Variants in NOLC1 observed in about 807,000 individuals in gnomAD.
NOLC1 encodes the protein 140 kDa nucleolar phosphoprotein.
A neutral mutation model predicts 73.4 loss-of-function variants in NOLC1; 37 were observed. The observed-to-expected ratio is 0.50, with a 90% CI of 0.39 to 0.66. NOLC1 has a LOEUF of 0.66. Ranked by LOEUF, NOLC1 falls within the 30% of genes least tolerant of loss-of-function variation. The probability of loss-of-function intolerance (pLI) is 0.00; values close to 1 mark genes in which losing one functional copy is unlikely to be tolerated. For missense variants in NOLC1, 921 were observed against 838.9 expected (o/e 1.10, Z -1.21); for synonymous variants, 327 against 302.6 (o/e 1.08, Z -0.84).
At position 102,152,454 on chromosome 10, in the gene NOLC1, ATCCCC is replaced by A; in HGVS notation, c.47_51del (p.Pro16ArgfsTer8). On this transcript the variant is annotated frameshift_variant, in exon 1 of 13. Coordinates refer to ENST00000605788, the MANE Select transcript of NOLC1 (RefSeq NM_004741.5). LOFTEE classifies it high-confidence loss of function. ...CGCCGCGTGGTTCCCAGCGACCTGT[ATCCCC>A]TCGTGCTCGGCTTCCTGCGCGATAA... 1 of 1,613,316 alleles carries A rather than the reference ATCCCC, an allele frequency of 6.2e-7. No homozygotes were observed. The highest frequency in any genetic ancestry group is 8.5e-7 in the Non-Finnish European group (1 of 1,180,024).
In NOLC1 at chr10:102,159,498, G is replaced by A; in HGVS notation, c.789G>A (p.Lys263=). The change falls in exon 7 of 13, where the codon AAG becomes AAA. Residue 263 remains lysine, a synonymous_variant. Transcript: ENST00000605788. The stretch of plus-strand genomic sequence containing the variant: ...AAGCAGCTACCACCCCTACCCGGAA[G>A]AGTTCTAGCAGTGAGGATTCCTCCA... ...PVKAATTPTR[K]SSSSEDSSSD... is the part of the protein sequence containing the mutation. 1 of 1,614,216 alleles carries A rather than the reference G, an allele frequency of 6.2e-7. No individual in the cohort carries two copies. The highest frequency in any genetic ancestry group is 2.2e-5 in the East Asian group (1 of 44,882).
Position 102,160,799 on chromosome 10 carries a change from G to A in NOLC1, c.1447G>A (p.Glu483Lys). 6.2e-7 allele frequency: 1 copy of A among 1,614,252 alleles called. No homozygotes were observed. Among genetic ancestry groups the A allele is most frequent in the Admixed American group, 1.7e-5 (1 of 60,026 alleles). ...SDSSSSEEEE[E>K]KTSKSAVKKK... ...CAGCTCCAGCAGTGAGGAGGAGGAA[G>A]AGAAGACATCTAAGTCTGCAGTTAA... is the stretch of plus-strand genomic sequence containing the variant. The change falls in exon 10 of 13, where the codon GAG becomes AAG. Residue 483 changes from glutamate (E) to lysine (K), a missense_variant. Physicochemically the swap from Glu to Lys is moderately conservative, Grantham distance 56 (BLOSUM62 1). Coordinates refer to ENST00000605788, the MANE Select transcript of NOLC1 (RefSeq NM_004741.5).
rs1374134095 is a variant in NOLC1, at chr10:102,159,244, G to C, written c.659G>C (p.Ser220Thr). 3 of 1,606,934 alleles carry C rather than the reference G, an allele frequency of 1.9e-6. No homozygotes were observed. Among genetic ancestry groups the C allele is most frequent in the Non-Finnish European group, 2.6e-6 (3 of 1,174,796 alleles). Residue 220 changes from serine to threonine, a missense_variant, in exon 6 of 13, where the codon AGC (serine) becomes ACC (threonine). Transcript: ENST00000605788. ...ANGKAASSSS[S>T]SSSSSSSDDS... ...GGTAAAGCAGCCAGTAGCAGCAGTA[G>C]CAGCAGCAGCAGCAGTAGCAGTGAT...
At position 102,162,276 on chromosome 10, in the gene NOLC1, G is replaced by A. The variant is rs1224785343; in HGVS notation, c.*7G>A. ...TAAGTTTGACAGCGAGTGACCTGAGGCCATCTTCGGTGAAGCAAGGGTGAT... is the reference window on the plus strand; with the variant it reads ...TAAGTTTGACAGCGAGTGACCTGAGACCATCTTCGGTGAAGCAAGGGTGAT... On this transcript the variant is annotated 3_prime_UTR_variant, in exon 13 of 13. Coordinates refer to ENST00000605788, the MANE Select transcript of NOLC1 (RefSeq NM_004741.5). The A allele has an allele frequency of 3.7e-6, 6 of 1,612,854 alleles. No individual in the cohort carries two copies. Among genetic ancestry groups the A allele is most frequent in the African/African-American group, 1.3e-5 (1 of 74,866 alleles).
chr10:102,162,896 T>C lies in NOLC1; in HGVS notation c.*627T>C, dbSNP rs1222763987. 6.6e-6 allele frequency: 1 copy of C among 152,226 alleles called. No homozygotes were observed. The highest frequency in any genetic ancestry group is 2.4e-5 in the African/African-American group (1 of 41,458). The allele number at this position is 152,226 out of a possible 1,614,324, so 9.4% of individuals were successfully genotyped here. ...CCTAACCTACTTTTTGGGATAAAAT[T>C]CTCTGTTTTGTTACAGGCAAAATTC... is the stretch of plus-strand genomic sequence containing the variant. On this transcript the variant is annotated 3_prime_UTR_variant, in exon 13 of 13. Coordinates refer to ENST00000605788, the MANE Select transcript of NOLC1 (RefSeq NM_004741.5).
rs368084655 is a variant in NOLC1 at position 102,161,134 on chromosome 10, C to T, written c.1741+41C>T. ...ACATGCCCTCTGGGTTTTGTCCCCCCAAATCAGGATGGGATATACTCTTTG... is the reference window on the plus strand; with the variant it reads ...ACATGCCCTCTGGGTTTTGTCCCCCTAAATCAGGATGGGATATACTCTTTG... On this transcript the variant is annotated intron_variant, in intron 10 of 12. Transcript: ENST00000605788. 1.3e-4 allele frequency: 194 copies of T among 1,549,586 alleles called. No individual in the cohort carries two copies. In the African/African-American group the frequency reaches 2.2e-3, roughly 17 times the overall value.
At chr10:102,156,393 A>G (rs2069594380) in intron 1 of NOLC1, among the ~76,000 whole-genome samples, 2 of 151,700 alleles carry the variant, frequency 1.3e-5, no homozygotes, top group Admixed American at 1.3e-4. Context: ...ATAACATGAG[A>G]TAACAGGCAT....
In NOLC1 at chr10:102,160,757, A is replaced by G. The variant is rs1447148462; in HGVS notation, c.1405A>G (p.Ser469Gly). ...GCAGGCTCCTCAGGGTAGTAGGGAC[A>G]GCAGCTCTGATTCAGACAGCTCCAG... ...AKQAPQGSRD[S>G]SSDSDSSSSE... The change falls in exon 10 of 13, where the codon AGC (serine) becomes GGC (glycine). Residue 469 changes from serine to glycine, a missense_variant. Transcript: ENST00000605788. The G allele has an allele frequency of 6.2e-7, 1 of 1,614,250 alleles. No individual in the cohort carries two copies. Among genetic ancestry groups the G allele is most frequent in the South Asian group, 1.1e-5 (1 of 91,092 alleles).
At position 102,161,676 on chromosome 10, in the gene NOLC1, C is replaced by T. The variant is rs772080020; in HGVS notation, c.1848+14C>T. ...AAAAGGAAGAAAGTAAGTTGTCTCA[C>T]TTTCTTCTCAGGAGCCAGCTCTTTA... On this transcript the variant is annotated intron_variant, in intron 11 of 12. Transcript: ENST00000605788. 6.9e-6 allele frequency: 11 copies of T among 1,604,816 alleles called. No individual in the cohort carries two copies. Among genetic ancestry groups the T allele is most frequent in the East Asian group, 4.5e-5 (2 of 44,832 alleles).
chr10:102,154,842 T>C (rs1297908253), intron 1 of NOLC1, among the ~76,000 whole-genome samples: 1 of 151,874 alleles, frequency 6.6e-6, no homozygotes, highest in African/African-American at 2.4e-5. Flanking sequence ...TCCTGTACTC[T>C]TCTGTGTATT....
chr10:102,162,306 G>T lies in NOLC1; in HGVS notation c.*37G>T, dbSNP rs1049466. 3.7e-6 allele frequency: 6 copies of T among 1,603,224 alleles called. No homozygotes were observed. The highest frequency in any genetic ancestry group is 1.1e-5 in the South Asian group (1 of 89,710). ...CTTCGGTGAAGCAAGGGTGATGATC[G>T]GAGACTACTTACTTTCTCCAGTGGA... On this transcript the variant is annotated 3_prime_UTR_variant, in exon 13 of 13. Transcript: ENST00000605788.
At chr10:102,153,435 G>C (rs1021980780) in intron 1 of NOLC1, among the ~76,000 whole-genome samples, 1 of 152,098 alleles carries the variant, frequency 6.6e-6, no homozygotes, top group Non-Finnish European at 1.5e-5. Context: ...AGAGGAGAGA[G>C]GGGGGGTCTT....
intron 5 of NOLC1, among the ~76,000 whole-genome samples, 193 bp from the exon 6 acceptor site, chr10:102,159,000 C>T (rs773533248): frequency 1.0e-4 from 13 of 128,482 alleles, no homozygotes; most frequent in African/African-American, 2.7e-4. Flanking sequence ...GAGGCTGAGG[C>T]GGGAGAGTTG....
In NOLC1 at chr10:102,163,285, T is replaced by G. The variant is rs2069743659; in HGVS notation, c.*1016T>G. ...CAAACGTTAAAACCTCAATCCTCAG[T>G]AGGAAGGTAGATTACATTAGGTGAA... On this transcript the variant is annotated 3_prime_UTR_variant, in exon 13 of 13. Coordinates refer to ENST00000605788, the MANE Select transcript of NOLC1 (RefSeq NM_004741.5). 6.6e-6 allele frequency: 1 copy of G among 152,082 alleles called. No individual in the cohort carries two copies. The highest frequency in any genetic ancestry group is 1.5e-5 in the Non-Finnish European group (1 of 68,024). 9.4% of individuals were successfully genotyped at this position (152,082 alleles called of 1,614,324 possible). A position where few individuals can be genotyped will look rare whatever the true frequency, so the allele number is the denominator to read the frequency against.
chr10:102,158,370 A>G (rs1172034901), intron 5 of NOLC1, among the ~76,000 whole-genome samples, 156 bp downstream of exon 5: 3 of 152,166 alleles, frequency 2.0e-5, no homozygotes, highest in Non-Finnish European at 4.4e-5. Context: ...TTACTAATAA[A>G]TAACAAGATT....
chr10:102,153,062 G>A (rs1334991314), intron 1 of NOLC1, among the ~76,000 whole-genome samples: 1 of 152,212 alleles, frequency 6.6e-6, no homozygotes, highest in African/African-American at 2.4e-5. Flanking sequence ...GTCATCAACA[G>A]CCCTACCAAG....
intron 6 of NOLC1, 42 bp from the exon 7 acceptor site, chr10:102,159,391 G>C (rs2069659547): frequency 6.2e-7 from 1 of 1,613,704 alleles, no homozygotes; most frequent in African/African-American, 1.3e-5. Context: ...GATTGGTTGG[G>C]TCAGCATTTT....
At position 102,160,432 on chromosome 10, in the gene NOLC1, TC is replaced by T; in HGVS notation, c.1100-18del. The stretch of plus-strand genomic sequence containing the variant: ...GAATCCAATTTGGGGAGCTGTTGAT[TC>T]CATCCCTTCTGTGTCTAGACTCTGA... On this transcript the variant is annotated intron_variant, in intron 9 of 12. Transcript: ENST00000605788. 6.2e-7 allele frequency: 1 copy of T among 1,612,308 alleles called. No individual in the cohort carries two copies. Among genetic ancestry groups the T allele is most frequent in the African/African-American group, 1.3e-5 (1 of 74,854 alleles).
rs1289975735 is a variant in NOLC1 at position 102,158,078 on chromosome 10, C to T, written c.471C>T (p.Ala157=). ...GAGTTAAGCCCCAAGCCAAGGCAGC[C>T]AAAGCTCCTCCTAAGAAGGCCAAGA... ...QKGVKPQAKA[A]KAPPKKAKSS... The change falls in exon 5 of 13, where the codon GCC becomes GCT. Residue 157 remains alanine, a synonymous_variant. Transcript: ENST00000605788. The T allele has an allele frequency of 2.5e-6, 4 of 1,613,990 alleles. No homozygotes were observed. The South Asian group carries it at 4.4e-5, about 18-fold the overall frequency.
Sources: allele counts gnomAD v4.1 joint callset (sites outside exome capture counted in the v4.1 genomes callset), GRCh38; gene constraint gnomAD v4.1.1; transcripts MANE v1.5; gene names NCBI Gene and HGNC (gene_info 2026-07-23, HGNC 2026-07-21).